The following SUMF1 variants were observed in gnomAD, a reference collection of about 807,000 sequenced individuals.
The protein encoded by SUMF1 is formylglycine-generating enzyme.
Under a neutral mutation model 47.6 loss-of-function variants are expected in SUMF1, and 48 were observed. The observed-to-expected ratio is 1.01, with a 90% CI of 0.80 to 1.28. The LOEUF (loss-of-function observed/expected upper bound fraction) is 1.28, where lower values mean the gene tolerates loss of function less well. Ranked by LOEUF, SUMF1 falls within the 50% of genes most tolerant of loss-of-function variation. The pLI is 0.00. For synonymous variants in SUMF1, 230 were observed against 192.1 expected (o/e 1.20, Z -1.63); for missense variants, 571 against 485.4 (o/e 1.18, Z -1.66).
At chr3:4,439,789 T>A (rs1702520181) in intron 3 of SUMF1, among the ~76,000 whole-genome samples, 1 of 152,020 alleles carries the variant, frequency 6.6e-6, no homozygotes, top group African/African-American at 2.4e-5. Context: ...CTCAAACTCC[T>A]GGCCTCAAGC....
At chr3:4,182,993 G>A (rs953279650) in intron 8 of SUMF1, among the ~76,000 whole-genome samples, 6 of 152,162 alleles carry the variant, frequency 3.9e-5, no homozygotes, top group Non-Finnish European at 7.3e-5. Context: ...AGACACTGAG[G>A]TTGGCTTGAG....
intron 7 of SUMF1, among the ~76,000 whole-genome samples, chr3:4,389,221 C>T (rs1490010598): frequency 6.6e-6 from 1 of 152,132 alleles, no homozygotes; most frequent in Non-Finnish European, 1.5e-5. Context: ...AGATACTTCA[C>T]TGGATAAGGA....
intron 8 of SUMF1, among the ~76,000 whole-genome samples, chr3:4,262,410 T>C (rs538855764): frequency 1.3e-5 from 2 of 152,292 alleles, no homozygotes; most frequent in South Asian, 4.1e-4. Context: ...AATATTTCTC[T>C]ATGTGCCAAA....
rs930584909 is a variant in SUMF1 at position 4,114,187 on chromosome 3, G to A, written c.1015-45442C>T. ...CTGAACTTTCTGATCCAGGACAGAT[G>A]TTACCCATGAATAAAGAGAAAATTA... On this transcript the variant is annotated intron_variant and NMD_transcript_variant, in intron 8 of 12. Transcript: ENST00000448413. Among the ~76,000 whole-genome samples the A allele has an allele frequency of 5.9e-5, 9 of 152,190 alleles. 1 individual carries two copies. In the South Asian group the frequency reaches 1.9e-3, roughly 32 times the overall value.
downstream of SUMF1, among the ~76,000 whole-genome samples, chr3:4,356,689 TCA>T (rs1175996824): frequency 6.6e-6 from 1 of 152,192 alleles, no homozygotes; most frequent in African/African-American, 2.4e-5. Flanking sequence ...TATTAGGTCT[TCA>T]CAGTGTTTGC....
At chr3:4,312,097 G>T (rs1698428650) in intron 8 of SUMF1, among the ~76,000 whole-genome samples, 1 of 152,104 alleles carries the variant, frequency 6.6e-6, no homozygotes, top group East Asian at 1.9e-4. Flanking sequence ...TTCTTTACAA[G>T]TGTATATCTT....
chr3:4,269,759 C>T (rs1236070037), intron 8 of SUMF1, among the ~76,000 whole-genome samples: 1 of 152,188 alleles, frequency 6.6e-6, no homozygotes, highest in African/African-American at 2.4e-5. Flanking sequence ...AATGGCACTT[C>T]CATTCAACTA....
At chr3:4,081,509 T>C (rs551284419) in intron 8 of SUMF1, among the ~76,000 whole-genome samples, 9 of 152,282 alleles carry the variant, frequency 5.9e-5, no homozygotes, top group Admixed American at 3.9e-4. Context: ...AATAAGCTGA[T>C]TGTCAGTTAT....
chr3:4,328,446 G>A (rs1025495260), intron 8 of SUMF1, among the ~76,000 whole-genome samples: 1 of 152,064 alleles, frequency 6.6e-6, no homozygotes, highest in Non-Finnish European at 1.5e-5. Flanking sequence ...ACATGGCTGG[G>A]GAGGCCTCAC....
At chr3:4,251,165 T>G (rs1448943215) in intron 8 of SUMF1, among the ~76,000 whole-genome samples, 4 of 151,750 alleles carry the variant, frequency 2.6e-5, no homozygotes, top group Non-Finnish European at 5.9e-5. Context: ...CTAATAGGAG[T>G]TTGGAAAAAG....
intron 8 of SUMF1, among the ~76,000 whole-genome samples, chr3:4,121,408 AT>A (rs1693537806): frequency 6.6e-6 from 1 of 152,110 alleles, no homozygotes; most frequent in Admixed American, 6.6e-5. Flanking sequence ...TGTAATGGGT[AT>A]TATAGTCTCT....
At chr3:4,430,058 GA>G (rs1251154618) in intron 3 of SUMF1, among the ~76,000 whole-genome samples, 1 of 152,168 alleles carries the variant, frequency 6.6e-6, no homozygotes. Flanking sequence ...AATAGGCCCT[GA>G]AAAGCGGCAG....
chr3:4,138,023 A>G (rs1693985146), intron 8 of SUMF1, among the ~76,000 whole-genome samples: 1 of 152,140 alleles, frequency 6.6e-6, no homozygotes, highest in African/African-American at 2.4e-5. Flanking sequence ...GTAGAAATGA[A>G]CAATCCCAAA....
At chr3:4,441,631 A>G (rs537736762) in intron 3 of SUMF1, among the ~76,000 whole-genome samples, 1 of 152,316 alleles carries the variant, frequency 6.6e-6, no homozygotes, top group East Asian at 1.9e-4. Context: ...CTTAATATCT[A>G]TACCTTTTAA....
chr3:4,368,829 T>C (rs1344193448), intron 8 of SUMF1, among the ~76,000 whole-genome samples: 1 of 152,198 alleles, frequency 6.6e-6, no homozygotes, highest in African/African-American at 2.4e-5. Context: ...CTTGAAACTC[T>C]TGTGCCCTAG....
chr3:4,174,459 T>C (rs1694911743), intron 8 of SUMF1, among the ~76,000 whole-genome samples: 2 of 151,570 alleles, frequency 1.3e-5, no homozygotes, highest in Admixed American at 1.3e-4. Context: ...GGGATAACAC[T>C]TTGGGAGGCC....
chr3:4,286,812 T>C (rs1251469475), intron 8 of SUMF1, among the ~76,000 whole-genome samples: 2 of 152,142 alleles, frequency 1.3e-5, no homozygotes, highest in Non-Finnish European at 2.9e-5. Context: ...GTACTATAGA[T>C]AAAAATTATG....
chr3:4,228,685 C>A (rs759406730), intron 8 of SUMF1, among the ~76,000 whole-genome samples: 12 of 152,098 alleles, frequency 7.9e-5, no homozygotes, highest in Non-Finnish European at 1.5e-4. Flanking sequence ...TTTCCTCCAG[C>A]TTTCCAAGGT....
At chr3:4,158,953 A>T (rs1416013132) in intron 8 of SUMF1, among the ~76,000 whole-genome samples, 1 of 151,258 alleles carries the variant, frequency 6.6e-6, no homozygotes, top group Non-Finnish European at 1.5e-5. Flanking sequence ...ACATTTTTTG[A>T]TTGGAGAATT....
Sources: gnomAD v4.1 joint callset for allele counts (sites outside exome capture counted in the v4.1 genomes callset) on GRCh38, gnomAD v4.1.1 for gene constraint, MANE v1.5 for transcripts, NCBI Gene and HGNC (gene_info 2026-07-23, HGNC 2026-07-21) for gene names.